VIPAS39: variants seen among roughly 807,000 people sequenced by gnomAD.
The protein encoded by VIPAS39 is VPS33B interacting protein, apical-basolateral polarity regulator, spe-39 homolog.
In VIPAS39, 63 loss-of-function variants were observed where a neutral mutation model predicts 84.7. That is an observed-to-expected ratio of 0.74 (90% confidence interval 0.61 to 0.92). VIPAS39 has a LOEUF of 0.92. Among genes scored for constraint, VIPAS39 ranks in the 40% least tolerant of loss-of-function variants. The pLI, the probability that VIPAS39 is intolerant of heterozygous loss-of-function variation, is 0.00. For missense variants in VIPAS39, 499 were observed against 604.5 expected, an observed-to-expected ratio of 0.83 and a Z score of 1.83; for synonymous variants, 192 against 216.5, an observed-to-expected ratio of 0.89 and a Z score of 0.99.
At chr14:77,454,334 C>T in intron 1 of VIPAS39, among the ~76,000 whole-genome samples, 1 of 152,150 alleles carries the variant, frequency 6.6e-6, no homozygotes, top group East Asian at 1.9e-4. Flanking sequence ...TTCTTAAGAG[C>T]ATCCACTTTG....
At chr14:77,435,500 G>C in intron 13 of VIPAS39, 107 bp from the exon 14 acceptor site, 2 of 1,443,478 alleles carry the variant, frequency 1.4e-6, no homozygotes, top group Non-Finnish European at 1.9e-6. Context: ...CACCCTAGGA[G>C]AGAAACAAAG....
At chr14:77,452,138 A>C (rs1418433066) in intron 3 of VIPAS39, among the ~76,000 whole-genome samples, 1 of 152,260 alleles carries the variant, frequency 6.6e-6, no homozygotes, top group Admixed American at 6.5e-5. Context: ...ATTTAAAAAA[A>C]AGAAAGAGAA....
intron 4 of VIPAS39, among the ~76,000 whole-genome samples, chr14:77,450,416 A>G (rs1011054509): frequency 2.0e-5 from 3 of 152,248 alleles, no homozygotes; most frequent in African/African-American, 7.2e-5. Flanking sequence ...ATTGTGAATA[A>G]TGCTACTATC....
chr14:77,444,452 CTCTT>C, intron 7 of VIPAS39, 111 bp from the exon 8 acceptor site: 1 of 990,760 alleles, frequency 1.0e-6, no homozygotes, highest in Non-Finnish European at 1.5e-6. Flanking sequence ...CAAGGAGAGT[CTCTT>C]TATTTTTACC....
Position 77,457,297 on chromosome 14 carries a change from G to T in VIPAS39, c.-1+198C>A. ...CGTTCTGAACCAAATGTCCGCTTCC[G>T]AACCAATCGCTGGTGCTCACTCGCA... On this transcript the variant is annotated intron_variant, in intron 1 of 19. Transcript: ENST00000557658. 2.0e-6 allele frequency: 3 copies of T among 1,535,638 alleles called. No homozygotes were observed. The East Asian group carries it at 7.3e-5, about 38-fold the overall frequency.
Position 77,437,894 on chromosome 14 carries a change from G to GA in VIPAS39, c.763-14dup. 1 of 1,613,888 alleles carries GA rather than the reference G, an allele frequency of 6.2e-7. No homozygotes were observed. The highest frequency in any genetic ancestry group is 8.5e-7 in the Non-Finnish European group (1 of 1,179,836). On this transcript the variant is annotated splice_polypyrimidine_tract_variant and intron_variant, in intron 11 of 19. Transcript: ENST00000557658. The stretch of plus-strand genomic sequence containing the variant: ...GATAATGAGATAGCTACAAAAAGCA[G>GA]AAAAAGGCTTTGAGGTATTTTGTCT...
At chr14:77,431,707 A>G (rs1313238051) in intron 16 of VIPAS39, among the ~76,000 whole-genome samples, 1 of 152,194 alleles carries the variant, frequency 6.6e-6, no homozygotes, top group Non-Finnish European at 1.5e-5. Flanking sequence ...GAACTATCAT[A>G]TGACCCAGTA....
chr14:77,457,512 C>T lies in VIPAS39; in HGVS notation c.-18G>A. On this transcript the variant is annotated 5_prime_UTR_variant, in exon 1 of 20. Coordinates refer to ENST00000557658, the MANE Select transcript of VIPAS39 (RefSeq NM_001193315.2). The stretch of plus-strand genomic sequence containing the variant: ...ACCCTCACCTCTTCCGCACAGAGCC[C>T]TCCCTCTCAGGACAGCGCCAGCCTC... 2 of 1,005,424 alleles carry T rather than the reference C, an allele frequency of 2.0e-6. No homozygotes were observed. The highest frequency in any genetic ancestry group is 2.9e-6 in the Non-Finnish European group (2 of 683,764). The allele number at this position is 1,005,424 out of a possible 1,614,324, so 62.3% of individuals were successfully genotyped here.
intron 6 of VIPAS39, 62 bp from the exon 7 acceptor site, chr14:77,448,612 G>T (rs375887503): frequency 1.3e-6 from 2 of 1,539,016 alleles, no homozygotes; most frequent in Non-Finnish European, 1.8e-6. Context: ...CAGCATACCC[G>T]CTCCTCAACT....
At chr14:77,443,263 A>C in intron 8 of VIPAS39, 111 bp from the exon 9 acceptor site, 2 of 1,291,350 alleles carry the variant, frequency 1.5e-6, no homozygotes, top group Non-Finnish European at 2.2e-6. Context: ...GGTATAGCCA[A>C]CAGCTCTGTA....
chr14:77,448,371 G>T, intron 7 of VIPAS39, 123 bp downstream of exon 7: 1 of 1,039,006 alleles, frequency 9.6e-7, no homozygotes, highest in Non-Finnish European at 1.5e-6. Context: ...CAACCTTAGT[G>T]GATTTATTTT....
chr14:77,457,384 G>T, intron 1 of VIPAS39, 111 bp downstream of exon 1: 2 of 1,535,652 alleles, frequency 1.3e-6, no homozygotes, highest in South Asian at 2.4e-5. Flanking sequence ...AGAGAATCAG[G>T]CCTGTAGTCA....
chr14:77,447,300 C>T (rs1347235357), intron 7 of VIPAS39, among the ~76,000 whole-genome samples: 1 of 151,412 alleles, frequency 6.6e-6, no homozygotes, highest in Non-Finnish European at 1.5e-5. Flanking sequence ...GCTGGGATTA[C>T]AGGCATGAAC....
intron 7 of VIPAS39, among the ~76,000 whole-genome samples, chr14:77,447,097 A>T (rs535369309): frequency 4.6e-4 from 70 of 150,838 alleles, no homozygotes; most frequent in Non-Finnish European, 7.1e-4. Context: ...GCTGGAGTGC[A>T]ATTGCACAAT....
intron 10 of VIPAS39, 24 bp downstream of exon 10, chr14:77,442,535 TA>T: frequency 6.3e-7 from 1 of 1,589,080 alleles, no homozygotes; most frequent in Non-Finnish European, 8.6e-7. Context: ...TACTAAACTT[TA>T]TAGACCAGAT....
Position 77,429,756 on chromosome 14 carries a change from G to A in VIPAS39, c.1191C>T (p.Gly397=). 1 of 1,614,198 alleles carries A rather than the reference G, an allele frequency of 6.2e-7. No individual in the cohort carries two copies. Among genetic ancestry groups the A allele is most frequent in the Non-Finnish European group, 8.5e-7 (1 of 1,180,014 alleles). The change falls in exon 17 of 20, where the codon GGC becomes GGT. Residue 397 remains glycine (G), a synonymous_variant. Transcript: ENST00000557658. ...DALFTTKNWL[G]YTKKRAPIGF... ...CAATGGGTGCTCTCTTCTTGGTATA[G>A]CCCAGCCAGTTCTGAAAGAGGAAGA...
chr14:77,427,956 A>T (rs1045126768), intron 19 of VIPAS39, among the ~76,000 whole-genome samples: 3 of 152,170 alleles, frequency 2.0e-5, no homozygotes, highest in Non-Finnish European at 4.4e-5. Context: ...GCTGTGAGAG[A>T]CGAACCAGCT....
intron 4 of VIPAS39, 37 bp from the exon 5 acceptor site, chr14:77,449,789 G>C: frequency 6.2e-7 from 1 of 1,613,022 alleles, no homozygotes; most frequent in East Asian, 2.2e-5. Flanking sequence ...AAGGTCAACA[G>C]TTTCAATCAG....
rs2078447261 is a variant in VIPAS39, at chr14:77,427,464, T to A, written c.*152A>T. 1.1e-5 allele frequency: 9 copies of A among 847,412 alleles called. No homozygotes were observed. Among genetic ancestry groups the A allele is most frequent in the Middle Eastern group, 2.7e-4 (1 of 3,724 alleles). The allele number at this position is 847,412 out of a possible 1,614,324, so 52.5% of individuals were successfully genotyped here. On this transcript the variant is annotated 3_prime_UTR_variant, in exon 20 of 20. Transcript: ENST00000557658. ...TGATGTTCCTTGGACAGAAGATCAG[T>A]CTGAAGTTATCTGTGTCAAGAGTAG...
Sources: allele counts gnomAD v4.1 joint callset (sites outside exome capture counted in the v4.1 genomes callset), GRCh38; gene constraint gnomAD v4.1.1; transcripts MANE v1.5; gene names NCBI Gene and HGNC (gene_info 2026-07-23, HGNC 2026-07-21).